The following SH3D19 variants were observed in gnomAD, a reference collection of about 807,000 sequenced individuals.
SH3D19 encodes SH3 domain containing 19, also known as SH3 domain-containing protein 19.
In SH3D19, 58 loss-of-function variants were observed where a neutral mutation model predicts 112.1. The ratio of observed to expected loss-of-function variants is 0.52; its 90% CI spans 0.42 to 0.64. The LOEUF is 0.64. SH3D19 is among the 30% of genes least tolerant of loss of function. SH3D19 has a pLI of 0.00. For synonymous variants in SH3D19, 391 were observed against 448.5 expected, an observed-to-expected ratio of 0.87 and a Z score of 1.62; for missense variants, 1,090 against 1,263.4, an observed-to-expected ratio of 0.86 and a Z score of 2.08.
intron 2 of SH3D19, among the ~76,000 whole-genome samples, chr4:151,190,774 A>G (rs185319085): frequency 6.6e-6 from 1 of 152,204 alleles, no homozygotes; most frequent in Non-Finnish European, 1.5e-5. Context: ...GGCAGTGCAG[A>G]AGGGAAATGT....
intron 2 of SH3D19, 127 bp downstream of exon 2, chr4:151,225,920 G>T: frequency 1.8e-6 from 1 of 540,746 alleles, no homozygotes; most frequent in Non-Finnish European, 2.8e-6. Flanking sequence ...CCCTTATGAA[G>T]CTTCTCTGAA....
intron 14 of SH3D19, among the ~76,000 whole-genome samples, chr4:151,135,986 AAAAACAAAACAAAAC>A (rs529509279): frequency 6.9e-4 from 103 of 148,868 alleles, no homozygotes; most frequent in African/African-American, 1.6e-3. Flanking sequence ...AGACTGTCTC[AAAAACAAAACAAAAC>A]AAAACAAAAC....
At chr4:151,159,951 G>A (rs560625882) in intron 8 of SH3D19, among the ~76,000 whole-genome samples, 1 of 152,118 alleles carries the variant, frequency 6.6e-6, no homozygotes, top group South Asian at 2.1e-4. Context: ...ACTACCCAAG[G>A]TCTTATTGCT....
At chr4:151,134,390 CA>C (rs1251965330) in intron 15 of SH3D19, among the ~76,000 whole-genome samples, 1 of 152,180 alleles carries the variant, frequency 6.6e-6, no homozygotes, top group East Asian at 1.9e-4. Flanking sequence ...TATATAAATT[CA>C]GGGAAACGTC....
At chr4:151,236,066 A>C (rs532207826) in intron 1 of SH3D19, among the ~76,000 whole-genome samples, 52 of 152,304 alleles carry the variant, frequency 3.4e-4, no homozygotes, top group African/African-American at 1.2e-3. Context: ...CTCCAATCCA[A>C]TCAGGTTGAG....
chr4:151,173,073 T>G (rs1759350311), intron 7 of SH3D19, among the ~76,000 whole-genome samples: 1 of 152,220 alleles, frequency 6.6e-6, no homozygotes, highest in Admixed American at 6.5e-5. Context: ...AAGTATATTG[T>G]TGACCTTCCT....
At chr4:151,282,549 G>A in intron 1 of SH3D19, 1 of 856,502 alleles carries the variant, frequency 1.2e-6, no homozygotes, top group Middle Eastern at 3.6e-4. Context: ...TTATCTATAA[G>A]TTTTTAAATA....
intron 2 of SH3D19, among the ~76,000 whole-genome samples, chr4:151,203,470 C>T (rs1485051952): frequency 1.3e-5 from 2 of 152,158 alleles, no homozygotes; most frequent in East Asian, 3.8e-4. Context: ...TGTTTCCTTG[C>T]CACTAAATTC....
intron 1 of SH3D19, among the ~76,000 whole-genome samples, chr4:151,236,879 T>TAATCAGCTCTCTGTAAAACGGACC (rs1561390018): frequency 3.9e-5 from 6 of 152,184 alleles, no homozygotes; most frequent in African/African-American, 1.4e-4. Flanking sequence ...TAAAACGGAC[T>TAATCAGCTCTCTGTAAAACGGACC]AATCAGCTCT....
intron 8 of SH3D19, among the ~76,000 whole-genome samples, chr4:151,163,858 C>T (rs745361375): frequency 6.6e-6 from 1 of 152,182 alleles, no homozygotes; most frequent in Non-Finnish European, 1.5e-5. Flanking sequence ...GCAGGGATTA[C>T]AGGTGTGAGC....
chr4:151,257,062 T>C (rs1771983410), intron 1 of SH3D19, among the ~76,000 whole-genome samples: 1 of 150,510 alleles, frequency 6.6e-6, no homozygotes, highest in Admixed American at 6.7e-5. Context: ...ATTTCTTTTC[T>C]TCTTATTTAT....
At chr4:151,216,050 C>G (rs765056238) in intron 2 of SH3D19, among the ~76,000 whole-genome samples, 1 of 152,090 alleles carries the variant, frequency 6.6e-6, no homozygotes, top group Non-Finnish European at 1.5e-5. Flanking sequence ...AGGCTGGTCT[C>G]GAACTCCTGA....
At chr4:151,198,662 G>A (rs1763936523) in intron 2 of SH3D19, among the ~76,000 whole-genome samples, 1 of 151,032 alleles carries the variant, frequency 6.6e-6, no homozygotes, top group Non-Finnish European at 1.5e-5. Context: ...CTCAATCAAT[G>A]GTTGAGAAAT....
In SH3D19 at chr4:151,127,605, TACA is replaced by T; in HGVS notation, c.3027+10_3027+12del. ...AGTGCTTAATGCAGTTATGAAGAGA[TACA>T]CATTCTGACCTTGAAGGAAAGTTCA... On this transcript the variant is annotated intron_variant, in intron 19 of 19. Transcript: ENST00000604030. The T allele has an allele frequency of 6.6e-7, 1 of 1,519,426 alleles. No individual in the cohort carries two copies. The highest frequency in any genetic ancestry group is 9.0e-7 in the Non-Finnish European group (1 of 1,113,350). The allele number at this position is 1,519,426 out of a possible 1,614,324, so 94.1% of individuals were successfully genotyped here.
intron 2 of SH3D19, among the ~76,000 whole-genome samples, chr4:151,224,330 T>A (rs143323869): frequency 3.5e-4 from 53 of 152,094 alleles, no homozygotes; most frequent in African/African-American, 1.1e-3. Context: ...AAAAGTATGA[T>A]CTAGAGCTAC....
chr4:151,160,149 C>T (rs1008475317), intron 8 of SH3D19, among the ~76,000 whole-genome samples: 4 of 149,000 alleles, frequency 2.7e-5, no homozygotes, highest in African/African-American at 1.0e-4. Flanking sequence ...TGCAGTGGTG[C>T]AATCTCGGCT....
chr4:151,194,776 T>C (rs1375753147), intron 2 of SH3D19, among the ~76,000 whole-genome samples: 1 of 151,970 alleles, frequency 6.6e-6, no homozygotes, highest in African/African-American at 2.4e-5. Flanking sequence ...AATGTGCATC[T>C]AACTGTTAAG....
intron 2 of SH3D19, among the ~76,000 whole-genome samples, chr4:151,218,039 A>C (rs4696234): frequency 0.73 from 111,318 of 151,974 alleles, 43,914 homozygotes; most frequent in Non-Finnish European, 0.89. Context: ...AAAGCAGACT[A>C]GGATAGACAC....
chr4:151,135,198 TTAAG>T (rs1192436068), intron 14 of SH3D19, 66 bp from the exon 15 acceptor site: 56 of 1,333,292 alleles, frequency 4.2e-5, no homozygotes, highest in Non-Finnish European at 5.7e-5. Flanking sequence ...AAATTTAAGG[TTAAG>T]TAATTAGAAA....
Sources: allele counts gnomAD v4.1 joint callset (sites outside exome capture counted in the v4.1 genomes callset), GRCh38; gene constraint gnomAD v4.1.1; transcripts MANE v1.5; gene names NCBI Gene and HGNC (gene_info 2026-07-23, HGNC 2026-07-21).